The following PTPRN2 variants were observed in gnomAD, a reference collection of about 807,000 sequenced individuals.
The protein encoded by PTPRN2 is protein tyrosine phosphatase receptor type N2, also known as receptor-type tyrosine-protein phosphatase N2.
Under a neutral mutation model 118.8 loss-of-function variants are expected in PTPRN2, and 74 were observed. The observed-to-expected ratio is 0.62, with a 90% CI of 0.52 to 0.76. PTPRN2 has a LOEUF of 0.76. PTPRN2 is among the 30% of genes least tolerant of loss of function. The pLI is 0.00. For missense variants in PTPRN2, 1,481 were observed against 1,394.4 expected, an observed-to-expected ratio of 1.06 and a Z score of -0.99; for synonymous variants, 641 against 608.0, an observed-to-expected ratio of 1.05 and a Z score of -0.80.
chr7:158,499,652 T>C (rs1402433125), intron 1 of PTPRN2, among the ~76,000 whole-genome samples: 2 of 152,072 alleles, frequency 1.3e-5, no homozygotes, highest in African/African-American at 4.8e-5. Flanking sequence ...ATGCCTATAA[T>C]CCCAGCTACT....
At chr7:158,221,113 GA>G (rs1482982798) in intron 3 of PTPRN2, among the ~76,000 whole-genome samples, 2 of 152,136 alleles carry the variant, frequency 1.3e-5, no homozygotes, top group African/African-American at 2.4e-5. Context: ...ACAAGAAATG[GA>G]GAAAGGACTC....
intron 12 of PTPRN2, among the ~76,000 whole-genome samples, chr7:157,846,913 T>TG (rs1808860234): frequency 6.7e-6 from 1 of 150,260 alleles, no homozygotes; most frequent in African/African-American, 2.5e-5. Flanking sequence ...CCATCATGTG[T>TG]GCCTGATGTT....
chr7:158,081,173 T>C, intron 11 of PTPRN2, 125 bp downstream of exon 11: 1 of 950,932 alleles, frequency 1.1e-6, no homozygotes. Flanking sequence ...GAGACCTTCC[T>C]CTGGGTTGCC....
In PTPRN2 at chr7:157,609,212, G is replaced by A. The variant is rs377214143; in HGVS notation, c.2345-5137C>T. 6.6e-5 allele frequency among the ~76,000 whole-genome samples: 10 copies of A among 152,194 alleles called. No homozygotes were observed. The East Asian group carries it at 1.4e-3, about 21-fold the overall frequency. On this transcript the variant is annotated intron_variant, in intron 15 of 22. Transcript: ENST00000389418. The surrounding 1 kb of genome is among the most constrained non-coding windows in gnomAD (Gnocchi z 4.9). ...AGTCTGGCCAAAGTGGCAAAACCAC[G>A]TCTCTACTAAAAATACAAAAATTAG...
intron 3 of PTPRN2, among the ~76,000 whole-genome samples, chr7:158,262,468 GCAAA>G (rs1435733147): frequency 1.4e-4 from 18 of 132,734 alleles, no homozygotes; most frequent in African/African-American, 2.7e-4. Flanking sequence ...TTCACACACT[GCAAA>G]CATTCACGCT....
At chr7:158,425,315 A>G (rs71547537) in intron 2 of PTPRN2, among the ~76,000 whole-genome samples, 5 of 115,126 alleles carry the variant, frequency 4.3e-5, no homozygotes, top group South Asian at 7.0e-4. Flanking sequence ...AAAGACCCAG[A>G]GTCCGAGACC....
intron 2 of PTPRN2, among the ~76,000 whole-genome samples, chr7:158,362,227 A>G (rs1159765083): frequency 4.6e-5 from 7 of 152,220 alleles, no homozygotes; most frequent in Non-Finnish European, 8.8e-5. Flanking sequence ...AGGAGGCAGA[A>G]GAGGCCGCCC....
chr7:157,754,606 A>G (rs1210101258), intron 12 of PTPRN2, among the ~76,000 whole-genome samples: 1 of 152,192 alleles, frequency 6.6e-6, no homozygotes, highest in East Asian at 1.9e-4. Flanking sequence ...CCACCTTTGG[A>G]GGAGGCCGAG....
intron 11 of PTPRN2, among the ~76,000 whole-genome samples, chr7:158,065,180 C>T (rs1810660854): frequency 6.6e-6 from 1 of 152,190 alleles, no homozygotes; most frequent in African/African-American, 2.4e-5. Flanking sequence ...GTGGCAGGAA[C>T]CATGCAGTTC....
At chr7:158,192,881 C>A (rs1825892431) in intron 4 of PTPRN2, among the ~76,000 whole-genome samples, 1 of 152,126 alleles carries the variant, frequency 6.6e-6, no homozygotes, top group Non-Finnish European at 1.5e-5. Context: ...CATGGGGGGC[C>A]CAAGGCTTGG....
chr7:158,480,568 C>A (rs186417127), intron 2 of PTPRN2, among the ~76,000 whole-genome samples: 1 of 152,244 alleles, frequency 6.6e-6, no homozygotes, highest in Admixed American at 6.5e-5. Flanking sequence ...GGAAGCCATG[C>A]CGAAAGCCAA....
At chr7:158,411,752 G>C (rs1814112608) in intron 2 of PTPRN2, among the ~76,000 whole-genome samples, 1 of 152,206 alleles carries the variant, frequency 6.6e-6, no homozygotes, top group Admixed American at 6.5e-5. Context: ...GGTCTCAGGG[G>C]CCAGGGCCCA....
In PTPRN2 at chr7:157,978,259, C is replaced by T. The variant is rs927277668; in HGVS notation, c.1724-79522G>A. On this transcript the variant is annotated intron_variant, in intron 11 of 22. Transcript: ENST00000389418. ...TGCCTGATCTGCTTCTCAAACAGCT[C>T]CCGTGTGGTGCTGCCGCCATCTCCG... Among the ~76,000 whole-genome samples, 38 of 152,056 alleles carry T rather than the reference C, an allele frequency of 2.5e-4. 2 individuals are homozygous for T. Among genetic ancestry groups the T allele is most frequent in the Admixed American group, 2.5e-3 (38 of 15,280 alleles).
intron 6 of PTPRN2, among the ~76,000 whole-genome samples, chr7:158,166,568 C>CCCGGCCG (rs1823016823): frequency 9.3e-5 from 14 of 149,752 alleles, no homozygotes; most frequent in East Asian, 3.9e-4. Flanking sequence ...TCCTCCTCCC[C>CCCGGCCG]CTGGCCGCCG....
chr7:158,418,290 C>T (rs894326069), intron 2 of PTPRN2, among the ~76,000 whole-genome samples: 24 of 129,462 alleles, frequency 1.9e-4, no homozygotes, highest in African/African-American at 5.8e-4. Flanking sequence ...TGTAGCTCTC[C>T]GTGTCCTGCT....
At chr7:158,340,945 A>G (rs1278639457) in intron 2 of PTPRN2, among the ~76,000 whole-genome samples, 1 of 82,168 alleles carries the variant, frequency 1.2e-5, no homozygotes, top group Non-Finnish European at 2.6e-5. Context: ...TCACACTCTC[A>G]CCATAAGAGC....
intron 12 of PTPRN2, among the ~76,000 whole-genome samples, chr7:157,877,073 G>A (rs943381706): frequency 5.1e-4 from 78 of 151,468 alleles, no homozygotes; most frequent in African/African-American, 1.6e-3. Flanking sequence ...GGGTTTCCTC[G>A]GGGACCCCGG....
In PTPRN2 at chr7:157,550,688, G is replaced by A. The variant is rs947632399; in HGVS notation, c.2903-1669C>T. 6.6e-6 allele frequency among the ~76,000 whole-genome samples: 1 copy of A among 152,194 alleles called. No individual in the cohort carries two copies. The highest frequency in any genetic ancestry group is 1.9e-4 in the East Asian group (1 of 5,192). ...TAAAGGACCCCATTCTCCTGGGCAG[G>A]GAACACCATGAGGGCCACCACCTTT... On this transcript the variant is annotated intron_variant, in intron 21 of 22. Coordinates refer to ENST00000389418, the MANE Select transcript of PTPRN2 (RefSeq NM_002847.5). The surrounding 1 kb of genome is among the most constrained non-coding windows in gnomAD (Gnocchi z 5.2).
intron 10 of PTPRN2, among the ~76,000 whole-genome samples, chr7:158,101,810 G>A (rs139593488): frequency 0.012 from 1,786 of 152,292 alleles, 58 homozygotes; most frequent in Admixed American, 0.058. Flanking sequence ...CACCCTGACC[G>A]TCCAGCTGTT....
Sources: allele counts gnomAD v4.1 joint callset (sites outside exome capture counted in the v4.1 genomes callset), GRCh38; gene constraint gnomAD v4.1.1; non-coding constraint Gnocchi (gnomAD v3.1); transcripts MANE v1.5; gene names NCBI Gene and HGNC (gene_info 2026-07-23, HGNC 2026-07-21).